UCK2: variants seen among roughly 807,000 people sequenced by gnomAD.
The protein encoded by UCK2 is cytidine monophosphokinase 2.
UCK2 carries 6 observed loss-of-function variants against 30.8 expected under a neutral mutation model. The ratio of observed to expected loss-of-function variants is 0.19; its 90% CI spans 0.11 to 0.38. The LOEUF is 0.38. Among genes scored for constraint, UCK2 ranks in the 10% least tolerant of loss-of-function variants. UCK2 has a pLI of 1.00. For missense variants in UCK2, 210 were observed against 339.8 expected (o/e 0.62, Z 3.00); for synonymous variants, 125 against 133.6 (o/e 0.94, Z 0.45).
At chr1:165,829,936 C>T (rs1237645075) in intron 1 of UCK2, among the ~76,000 whole-genome samples, 2 of 152,220 alleles carry the variant, frequency 1.3e-5, no homozygotes, top group Non-Finnish European at 2.9e-5. Flanking sequence ...TCACTGCAGC[C>T]TCAGCCTCAA....
chr1:165,878,859 G>C (rs1189685004), intron 1 of UCK2, among the ~76,000 whole-genome samples: 1 of 152,176 alleles, frequency 6.6e-6, no homozygotes, highest in Non-Finnish European at 1.5e-5. Context: ...TGGATTGTAT[G>C]GTAAGACTGT....
chr1:165,843,337 A>G (rs747340514), intron 1 of UCK2, among the ~76,000 whole-genome samples: 1 of 152,080 alleles, frequency 6.6e-6, no homozygotes, highest in Non-Finnish European at 1.5e-5. Context: ...TTTCACATGT[A>G]TAGTTTTGGG....
chr1:165,873,854 G>A (rs1036810205), intron 1 of UCK2, among the ~76,000 whole-genome samples: 5 of 151,910 alleles, frequency 3.3e-5, no homozygotes, highest in African/African-American at 4.8e-5. Context: ...TAAAACACCA[G>A]CTTTGGATCT....
intron 1 of UCK2, among the ~76,000 whole-genome samples, chr1:165,856,036 A>AAT (rs1357446408): frequency 6.6e-6 from 1 of 152,154 alleles, no homozygotes; most frequent in East Asian, 1.9e-4. Context: ...TAGGTATGAA[A>AAT]ATATATATAA....
chr1:165,839,593 T>G (rs369698719), intron 1 of UCK2, among the ~76,000 whole-genome samples: 1 of 152,126 alleles, frequency 6.6e-6, no homozygotes, highest in Non-Finnish European at 1.5e-5. Context: ...CAAGTTAAGA[T>G]AGAGAATCCC....
At chr1:165,900,961 G>T (rs1479021781) in intron 4 of UCK2, among the ~76,000 whole-genome samples, 1 of 152,174 alleles carries the variant, frequency 6.6e-6, no homozygotes, top group Non-Finnish European at 1.5e-5. Context: ...GCTTTATCTG[G>T]AGACGTGTGA....
intron 1 of UCK2, among the ~76,000 whole-genome samples, chr1:165,848,674 A>C (rs1654515384): frequency 1.3e-5 from 2 of 151,744 alleles, no homozygotes; most frequent in South Asian, 4.2e-4. Context: ...ACACACACAC[A>C]CACCCCCAAA....
At chr1:165,891,201 A>AT (rs1178921593) in intron 2 of UCK2, 25 bp from the exon 3 acceptor site, 2 of 1,603,568 alleles carry the variant, frequency 1.2e-6, no homozygotes, top group Non-Finnish European at 1.7e-6. Context: ...ATTAAGAAAC[A>AT]TTTTAACAAT....
intron 1 of UCK2, among the ~76,000 whole-genome samples, chr1:165,859,360 G>A (rs968106067): frequency 6.6e-5 from 10 of 152,226 alleles, no homozygotes; most frequent in East Asian, 3.9e-4. Context: ...TTGGAGACTC[G>A]CTGCTGGTCC....
intron 4 of UCK2, 79 bp from the exon 5 acceptor site, chr1:165,903,103 G>A: frequency 9.3e-7 from 1 of 1,073,934 alleles, no homozygotes; most frequent in Non-Finnish European, 1.4e-6. Context: ...GCCTGTGGGA[G>A]CTAGGTCCAC....
intron 1 of UCK2, among the ~76,000 whole-genome samples, chr1:165,871,791 G>T (rs1188092549): frequency 6.6e-6 from 1 of 152,162 alleles, no homozygotes; most frequent in Non-Finnish European, 1.5e-5. Flanking sequence ...AATCAGTTTA[G>T]GTTAATCAGT....
At chr1:165,864,156 C>G (rs1384082738) in intron 1 of UCK2, among the ~76,000 whole-genome samples, 1 of 152,206 alleles carries the variant, frequency 6.6e-6, no homozygotes, top group Non-Finnish European at 1.5e-5. Flanking sequence ...CCATGTTGGT[C>G]AGGCTGGTCT....
chr1:165,840,554 C>T (rs1328834102), intron 1 of UCK2, among the ~76,000 whole-genome samples: 2 of 152,192 alleles, frequency 1.3e-5, no homozygotes, highest in Non-Finnish European at 2.9e-5. Context: ...GGCATCTGTG[C>T]CTGACAGGGT....
chr1:165,862,793 G>C (rs992457127), intron 1 of UCK2, among the ~76,000 whole-genome samples: 1 of 152,100 alleles, frequency 6.6e-6, no homozygotes, highest in Non-Finnish European at 1.5e-5. Flanking sequence ...AAAAGTTCCC[G>C]ACACAGAGAG....
intron 3 of UCK2, among the ~76,000 whole-genome samples, chr1:165,895,197 T>G (rs747159091): frequency 6.6e-6 from 1 of 152,194 alleles, no homozygotes; most frequent in Non-Finnish European, 1.5e-5. Context: ...GTGGGTTGCA[T>G]GAGTCCAGGA....
chr1:165,880,607 G>T (rs993733652), intron 1 of UCK2, among the ~76,000 whole-genome samples: 7 of 143,270 alleles, frequency 4.9e-5, no homozygotes, highest in African/African-American at 1.8e-4. Context: ...GTGTGTGTGT[G>T]TGTGTGTGAT....
At chr1:165,836,177 G>A (rs1338591377) in intron 1 of UCK2, among the ~76,000 whole-genome samples, 1 of 151,828 alleles carries the variant, frequency 6.6e-6, no homozygotes, top group South Asian at 2.1e-4. Flanking sequence ...GCAGTGAGCT[G>A]AGATTGCACC....
chr1:165,839,063 A>G (rs989421068), intron 1 of UCK2, among the ~76,000 whole-genome samples: 1 of 152,100 alleles, frequency 6.6e-6, no homozygotes, highest in Non-Finnish European at 1.5e-5. Context: ...AAAAAGAAAG[A>G]AAAAATCAGA....
chr1:165,830,186 G>A (rs916613025), intron 1 of UCK2, among the ~76,000 whole-genome samples: 2 of 146,694 alleles, frequency 1.4e-5, no homozygotes, highest in Non-Finnish European at 1.5e-5. Flanking sequence ...TTTTTTTTTT[G>A]TAGAGAAGGG....
Sources: gnomAD v4.1 joint callset for allele counts (sites outside exome capture counted in the v4.1 genomes callset) on GRCh38, gnomAD v4.1.1 for gene constraint, MANE v1.5 for transcripts, NCBI Gene and HGNC (gene_info 2026-07-23, HGNC 2026-07-21) for gene names.